The following GAB2 variants were observed in gnomAD, a reference collection of about 807,000 sequenced individuals.
GAB2 encodes GRB2-associated-binding protein 2.
In GAB2, 26 loss-of-function variants were observed where a neutral mutation model predicts 65.5. The observed-to-expected ratio is 0.40, with a 90% CI of 0.29 to 0.55. The LOEUF (loss-of-function observed/expected upper bound fraction) is 0.55. GAB2 is among the 20% of genes least tolerant of loss of function. The pLI, the probability that GAB2 is intolerant of heterozygous loss-of-function variation, is 0.53. For missense variants in GAB2, 884 were observed against 875.8 expected, an observed-to-expected ratio of 1.01 and a Z score of -0.12; for synonymous variants, 321 against 329.6, an observed-to-expected ratio of 0.97 and a Z score of 0.28.
At chr11:78,391,239 G>T (rs181357547) in intron 1 of GAB2, among the ~76,000 whole-genome samples, 1 of 152,248 alleles carries the variant, frequency 6.6e-6, no homozygotes, top group Admixed American at 6.5e-5. Context: ...AGGCTGCAAT[G>T]AGACGAGATC....
At chr11:78,285,299 G>A (rs1234235260) in intron 1 of GAB2, among the ~76,000 whole-genome samples, 3 of 152,190 alleles carry the variant, frequency 2.0e-5, no homozygotes, top group South Asian at 2.1e-4. Flanking sequence ...AGAAAACCAT[G>A]TTTGCTACAG....
intron 1 of GAB2, among the ~76,000 whole-genome samples, chr11:78,342,618 C>T (rs1856117681): frequency 6.6e-6 from 1 of 152,126 alleles, no homozygotes; most frequent in Non-Finnish European, 1.5e-5. Context: ...CCATGTTAGC[C>T]AGGATGGTCT....
At chr11:78,248,971 G>T (rs1865372441) in intron 3 of GAB2, among the ~76,000 whole-genome samples, 1 of 152,212 alleles carries the variant, frequency 6.6e-6, no homozygotes, top group Non-Finnish European at 1.5e-5. Context: ...ATAAGTTGAT[G>T]GAAGTTGAAC....
rs934053262 is a variant in GAB2 at position 78,227,826 on chromosome 11, AAAC to A, written c.621-778_621-776del. On this transcript the variant is annotated intron_variant, in intron 3 of 9. Coordinates refer to ENST00000361507, the MANE Select transcript of GAB2 (RefSeq NM_080491.3). ...AAAAAACACACGCCCCAACACAAAC[AAAC>A]AACAAACTATTCAAACGTAAGCTCT... Among the ~76,000 whole-genome samples the A allele has an allele frequency of 3.2e-4, 49 of 152,202 alleles. 1 individual carries two copies. Among genetic ancestry groups the A allele is most frequent in the Admixed American group, 2.3e-3 (35 of 15,280 alleles).
chr11:78,241,161 A>G (rs182558437), intron 3 of GAB2, among the ~76,000 whole-genome samples: 2 of 152,352 alleles, frequency 1.3e-5, no homozygotes, highest in Non-Finnish European at 2.9e-5. Flanking sequence ...AAACTTCTAT[A>G]GTCTAGGCCA....
At chr11:78,293,621 C>T (rs762454966) in intron 1 of GAB2, among the ~76,000 whole-genome samples, 1 of 152,140 alleles carries the variant, frequency 6.6e-6, no homozygotes, top group Non-Finnish European at 1.5e-5. Flanking sequence ...CCAATTTGCA[C>T]CATTTCATCC....
chr11:78,364,916 T>A (rs1856478621), intron 1 of GAB2, among the ~76,000 whole-genome samples: 1 of 152,014 alleles, frequency 6.6e-6, no homozygotes, highest in South Asian at 2.1e-4. Flanking sequence ...TATATATACG[T>A]CTATATAGTA....
chr11:78,236,556 A>G (rs1044795964), intron 3 of GAB2, among the ~76,000 whole-genome samples: 1 of 152,180 alleles, frequency 6.6e-6, no homozygotes, highest in Non-Finnish European at 1.5e-5. Flanking sequence ...ATCTTAGGGC[A>G]TTATGTTCAA....
At chr11:78,378,783 G>A (rs969396078) in intron 1 of GAB2, among the ~76,000 whole-genome samples, 4 of 152,150 alleles carry the variant, frequency 2.6e-5, no homozygotes, top group Admixed American at 2.0e-4. Flanking sequence ...GAGCCACTGT[G>A]CCCCATAGAC....
intron 1 of GAB2, among the ~76,000 whole-genome samples, chr11:78,384,882 G>A (rs1249262270): frequency 6.6e-6 from 1 of 152,202 alleles, no homozygotes; most frequent in Non-Finnish European, 1.5e-5. Flanking sequence ...TGGCACCTAA[G>A]CTCATCTGGC....
chr11:78,263,551 T>C (rs1224613294), intron 2 of GAB2, among the ~76,000 whole-genome samples: 2 of 150,792 alleles, frequency 1.3e-5, no homozygotes, highest in Non-Finnish European at 2.9e-5. Context: ...GAGAATTGCT[T>C]GAACCCAGGA....
At chr11:78,271,944 G>T (rs1246413400) in intron 2 of GAB2, among the ~76,000 whole-genome samples, 1 of 152,190 alleles carries the variant, frequency 6.6e-6, no homozygotes, top group Non-Finnish European at 1.5e-5. Flanking sequence ...AGTCTCTTGA[G>T]ATCTGATGGT....
intron 1 of GAB2, among the ~76,000 whole-genome samples, chr11:78,317,267 A>C (rs1855626642): frequency 6.6e-6 from 1 of 152,310 alleles, no homozygotes; most frequent in African/African-American, 2.4e-5. Context: ...TATACACTTA[A>C]AAGTGATTAC....
chr11:78,346,687 A>T (rs1591055363), intron 1 of GAB2, among the ~76,000 whole-genome samples: 2 of 41,716 alleles, frequency 4.8e-5, no homozygotes, highest in African/African-American at 2.0e-4. Context: ...ATATATATAT[A>T]TATATATATA....
intron 1 of GAB2, among the ~76,000 whole-genome samples, chr11:78,402,743 G>A (rs542866594): frequency 2.0e-5 from 3 of 152,198 alleles, no homozygotes; most frequent in South Asian, 2.1e-4. Context: ...GAGCCACTGC[G>A]CCCGGCCATG....
intron 1 of GAB2, among the ~76,000 whole-genome samples, chr11:78,370,712 C>CGT (rs1554995526): frequency 8.9e-5 from 11 of 123,318 alleles, no homozygotes; most frequent in African/African-American, 2.3e-4. Flanking sequence ...TGTGTGTGTG[C>CGT]GTGTGTGTGT....
At chr11:78,353,042 T>C (rs1856303746) in intron 1 of GAB2, among the ~76,000 whole-genome samples, 1 of 152,178 alleles carries the variant, frequency 6.6e-6, no homozygotes, top group South Asian at 2.1e-4. Flanking sequence ...GCAAGACCAG[T>C]AGTCCTCAAA....
At chr11:78,382,550 A>G (rs1310020783) in intron 1 of GAB2, among the ~76,000 whole-genome samples, 2 of 152,084 alleles carry the variant, frequency 1.3e-5, no homozygotes, top group African/African-American at 4.8e-5. Context: ...CAATAGGGAT[A>G]CTTACACTTT....
Position 78,383,581 on chromosome 11 carries a change from CA to C in GAB2, c.75+34064del, listed in dbSNP as rs534814220. ...GCAACATGGCAAAACCCTGTCTCTC[CA>C]AAAAAAAAAAAAAAAAAATACAAAA... On this transcript the variant is annotated intron_variant, in intron 1 of 9. Coordinates refer to ENST00000361507, the MANE Select transcript of GAB2 (RefSeq NM_080491.3). Among the ~76,000 whole-genome samples, 232 of 55,572 alleles carry C rather than the reference CA, an allele frequency of 4.2e-3. 5 individuals are homozygous for C. Among genetic ancestry groups the C allele is most frequent in the East Asian group, 8.2e-3 (14 of 1,706 alleles). The allele number at this position is 55,572 out of a possible 152,430, so 36.5% of individuals were successfully genotyped here. A position where few individuals can be genotyped will look rare whatever the true frequency, so the allele number is the denominator to read the frequency against.
Sources: allele counts gnomAD v4.1 joint callset (sites outside exome capture counted in the v4.1 genomes callset), GRCh38; gene constraint gnomAD v4.1.1; transcripts MANE v1.5; gene names NCBI Gene and HGNC (gene_info 2026-07-23, HGNC 2026-07-21).